The following COPG2 variants were observed in gnomAD, a reference collection of about 807,000 sequenced individuals.
COPG2 encodes coatomer subunit gamma-2.
A neutral mutation model predicts 46.3 loss-of-function variants in COPG2; 37 were observed. The ratio of observed to expected loss-of-function variants is 0.80; its 90% confidence interval spans 0.61 to 1.05. The LOEUF is 1.05. Among genes scored for constraint, COPG2 ranks in the 50% least tolerant of loss-of-function variants. The pLI is 0.00. For synonymous variants in COPG2, 159 were observed against 129.7 expected (o/e 1.23, Z -1.53); for missense variants, 427 against 387.8 (o/e 1.10, Z -0.85).
chr7:130,519,562 G>T (rs1563035416), intron 20 of COPG2, among the ~76,000 whole-genome samples: 1 of 152,198 alleles, frequency 6.6e-6, no homozygotes, highest in Non-Finnish European at 1.5e-5. Context: ...TGGAGAAAAT[G>T]TAAGGAGTTT....
intron 20 of COPG2, among the ~76,000 whole-genome samples, chr7:130,539,015 G>A (rs1428282292): frequency 1.3e-5 from 2 of 152,132 alleles, no homozygotes; most frequent in Non-Finnish European, 2.9e-5. Flanking sequence ...GTGCTGATAC[G>A]GGGGCTTCAT....
rs938431592 is a variant in COPG2, at chr7:130,536,750, G to A, written c.2149+10924C>T. On this transcript the variant is annotated intron_variant, in intron 20 of 23. Transcript: ENST00000425248. ...TGACAGCGAGCAAATGGATGTAGCC[G>A]AAAAGGCACCGGGACCATGGTGGTG... 1.9e-3 allele frequency among the ~76,000 whole-genome samples: 293 copies of A among 152,324 alleles called. 1 individual carries two copies. The highest frequency in any genetic ancestry group is 3.5e-3 in the Non-Finnish European group (236 of 68,022).
intron 18 of COPG2, among the ~76,000 whole-genome samples, chr7:130,548,828 G>A (rs1386702183): frequency 2.0e-5 from 3 of 151,990 alleles, no homozygotes; most frequent in African/African-American, 7.2e-5. Context: ...TGAGGCAGGA[G>A]AATGGCGTGA....
At position 130,506,269 on chromosome 7, in the gene COPG2, TAATAAA is replaced by T. The variant is rs1799476476; in HGVS notation, c.*401_*406del. On this transcript the variant is annotated 3_prime_UTR_variant, in exon 24 of 24. Coordinates refer to ENST00000425248, the MANE Select transcript of COPG2 (RefSeq NM_012133.6). ...ACTGGAATAAGTGTTTATTTTCTAT[TAATAAA>T]AATGAATTGTGACAAAAGTGGACTC... The T allele has an allele frequency of 6.6e-6, 1 of 152,086 alleles. No individual in the cohort carries two copies. The highest frequency in any genetic ancestry group is 2.4e-5 in the African/African-American group (1 of 41,390). 9.4% of individuals were successfully genotyped at this position (152,086 alleles called of 1,614,324 possible).
At chr7:130,536,342 C>G (rs902117098) in intron 20 of COPG2, among the ~76,000 whole-genome samples, 2 of 151,820 alleles carry the variant, frequency 1.3e-5, no homozygotes, top group Non-Finnish European at 2.9e-5. Flanking sequence ...TCAAGGTGGC[C>G]GTCCACAGCA....
At chr7:130,647,588 T>G (rs1211906727) in intron 5 of COPG2, among the ~76,000 whole-genome samples, 1 of 152,116 alleles carries the variant, frequency 6.6e-6, no homozygotes, top group Non-Finnish European at 1.5e-5. Flanking sequence ...CTACGGTGGT[T>G]GTATCATTCT....
At chr7:130,507,214 T>TATGCCTTAATA in intron 23 of COPG2, 60 bp downstream of exon 23, 4 of 777,046 alleles carry the variant, frequency 5.1e-6, no homozygotes, top group Non-Finnish European at 7.2e-6. Flanking sequence ...GATGCCCATC[T>TATGCCTTAATA]ATATCCTATT....
At chr7:130,580,603 A>G (rs1396083248) in intron 9 of COPG2, among the ~76,000 whole-genome samples, 1 of 116,386 alleles carries the variant, frequency 8.6e-6, no homozygotes, top group Non-Finnish European at 1.7e-5. Flanking sequence ...CGCTAGCAAG[A>G]CTAATAAAGA....
At chr7:130,544,700 T>C (rs1456668384) in intron 20 of COPG2, among the ~76,000 whole-genome samples, 3 of 152,070 alleles carry the variant, frequency 2.0e-5, no homozygotes, top group Non-Finnish European at 1.5e-5. Flanking sequence ...ACGGGTGCAA[T>C]AAATATTCAG....
intron 12 of COPG2, among the ~76,000 whole-genome samples, chr7:130,556,564 A>G (rs1422023226): frequency 6.6e-6 from 1 of 152,222 alleles, no homozygotes; most frequent in African/African-American, 2.4e-5. Context: ...CTTAAGCCTA[A>G]TAAAGATGGT....
At chr7:130,517,183 G>C (rs2116342409) in intron 20 of COPG2, among the ~76,000 whole-genome samples, 1 of 152,260 alleles carries the variant, frequency 6.6e-6, no homozygotes, top group South Asian at 2.1e-4. Flanking sequence ...ATTGACTGGG[G>C]GGTAAAGGAA....
chr7:130,666,780 G>T, intron 3 of COPG2, 69 bp downstream of exon 3: 1 of 711,426 alleles, frequency 1.4e-6, no homozygotes, highest in Non-Finnish European at 2.4e-6. Context: ...TTTCCAGAAA[G>T]TATTTCACTG....
At chr7:130,527,943 G>A (rs1799789447) in intron 20 of COPG2, among the ~76,000 whole-genome samples, 1 of 152,150 alleles carries the variant, frequency 6.6e-6, no homozygotes, top group East Asian at 1.9e-4. Flanking sequence ...AGGGCCCAGT[G>A]ACTCAGAGGA....
intron 5 of COPG2, among the ~76,000 whole-genome samples, chr7:130,624,839 G>A (rs1286577466): frequency 1.3e-5 from 2 of 152,218 alleles, no homozygotes; most frequent in Non-Finnish European, 2.9e-5. Flanking sequence ...TTGGTTCCAC[G>A]TCTTTGCAAT....
intron 20 of COPG2, among the ~76,000 whole-genome samples, chr7:130,513,308 A>ATATATATATATAT (rs1554441290): frequency 1.3e-4 from 7 of 55,658 alleles, no homozygotes; most frequent in African/African-American, 3.8e-4. Context: ...AAAAAAAAAA[A>ATATATATATATAT]ATATATATAT....
intron 9 of COPG2, among the ~76,000 whole-genome samples, chr7:130,583,805 CAAAAAAAAAA>C (rs1168370976): frequency 1.1e-3 from 14 of 12,356 alleles, no homozygotes; most frequent in East Asian, 3.8e-3. Flanking sequence ...GACTCCATCT[CAAAAAAAAAA>C]AAAAAAAAAA....
intron 9 of COPG2, among the ~76,000 whole-genome samples, chr7:130,577,776 A>AC (rs1247987968): frequency 2.7e-5 from 4 of 150,748 alleles, no homozygotes; most frequent in Non-Finnish European, 4.4e-5. Flanking sequence ...TCAAAAAAAA[A>AC]AAAAAAAAAA....
At chr7:130,601,785 C>T (rs1348106338) in intron 9 of COPG2, among the ~76,000 whole-genome samples, 1 of 151,368 alleles carries the variant, frequency 6.6e-6, no homozygotes, top group African/African-American at 2.4e-5. Context: ...GCACGTTCTA[C>T]ACATTCTGCA....
intron 5 of COPG2, among the ~76,000 whole-genome samples, chr7:130,628,361 A>G (rs1052832143): frequency 6.6e-6 from 1 of 151,634 alleles, no homozygotes; most frequent in African/African-American, 2.4e-5. Context: ...TATTGTTTAT[A>G]CTTCTTTAAA....
Sources: allele counts gnomAD v4.1 joint callset (sites outside exome capture counted in the v4.1 genomes callset), GRCh38; gene constraint gnomAD v4.1.1; transcripts MANE v1.5; gene names NCBI Gene and HGNC (gene_info 2026-07-23, HGNC 2026-07-21).